The following TBC1D9 variants were observed in gnomAD, a reference collection of about 807,000 sequenced individuals.
TBC1D9 encodes the protein TBC1 domain family member 9.
TBC1D9 carries 63 observed loss-of-function variants against 132.0 expected under a neutral mutation model. That is an observed-to-expected ratio of 0.48 (90% CI 0.39 to 0.59). The LOEUF is 0.59. Among genes scored for constraint, TBC1D9 ranks in the 20% least tolerant of loss-of-function variants. The pLI is 0.00. For synonymous variants in TBC1D9, 610 were observed against 609.9 expected, an observed-to-expected ratio of 1.00 and a Z score of 0.00; for missense variants, 1,261 against 1,592.7, an observed-to-expected ratio of 0.79 and a Z score of 3.54.
intron 6 of TBC1D9, among the ~76,000 whole-genome samples, chr4:140,675,192 G>T (rs1039149189): frequency 1.3e-5 from 2 of 151,846 alleles, no homozygotes; most frequent in Middle Eastern, 3.4e-3. Context: ...GGTCCTCTCT[G>T]AACAGTGGAA....
At chr4:140,728,300 C>G (rs998178581) in intron 1 of TBC1D9, among the ~76,000 whole-genome samples, 1 of 151,630 alleles carries the variant, frequency 6.6e-6, no homozygotes, top group Admixed American at 6.6e-5. Flanking sequence ...CTGCACCAGT[C>G]AGGAATGTTG....
At chr4:140,739,273 C>A (rs141384618) in intron 1 of TBC1D9, among the ~76,000 whole-genome samples, 1 of 152,138 alleles carries the variant, frequency 6.6e-6, no homozygotes. Flanking sequence ...GCTGAGCCAC[C>A]GCACCTGGCT....
intron 16 of TBC1D9, among the ~76,000 whole-genome samples, chr4:140,629,369 T>C (rs888265422): frequency 2.0e-5 from 3 of 152,346 alleles, no homozygotes; most frequent in African/African-American, 7.2e-5. Flanking sequence ...AAAATGTCCA[T>C]AGTCTTTATC....
intron 13 of TBC1D9, chr4:140,645,462 C>A (rs958118864): frequency 4.9e-6 from 2 of 408,038 alleles, no homozygotes; most frequent in Non-Finnish European, 9.7e-6. Flanking sequence ...CAGCTGCGGG[C>A]CCCTGCCCAC....
At chr4:140,672,369 C>T (rs1737551787) in intron 6 of TBC1D9, among the ~76,000 whole-genome samples, 1 of 151,868 alleles carries the variant, frequency 6.6e-6, no homozygotes, top group African/African-American at 2.4e-5. Flanking sequence ...GGAAATACCT[C>T]CTTTTCCTGA....
chr4:140,630,980 G>T lies in TBC1D9; in HGVS notation c.2747-2615C>A, dbSNP rs549027669. 4.6e-5 allele frequency among the ~76,000 whole-genome samples: 7 copies of T among 152,280 alleles called. No individual in the cohort carries two copies. In the South Asian group the frequency reaches 1.5e-3, roughly 32 times the overall value. On this transcript the variant is annotated intron_variant, in intron 16 of 20. Coordinates refer to ENST00000442267, the MANE Select transcript of TBC1D9 (RefSeq NM_015130.3). ...AAAGAGTCCAAATACTGGGTCCAAG[G>T]GTACTAGTGAATGCTCTCTCAGTTG...
intron 1 of TBC1D9, among the ~76,000 whole-genome samples, chr4:140,755,287 G>A (rs1455831102): frequency 6.6e-6 from 1 of 152,198 alleles, no homozygotes; most frequent in Non-Finnish European, 1.5e-5. Context: ...GGGGTTTAGG[G>A]AAGAAGTGAT....
At chr4:140,684,010 C>T (rs568881562) in intron 3 of TBC1D9, among the ~76,000 whole-genome samples, 3 of 152,112 alleles carry the variant, frequency 2.0e-5, no homozygotes, top group Admixed American at 6.5e-5. Context: ...GGAATAATAA[C>T]TAAAAATTAT....
In TBC1D9 at chr4:140,622,802, TC is replaced by T; in HGVS notation, c.3193del (p.Glu1065ArgfsTer86). The T allele has an allele frequency of 6.2e-7, 1 of 1,601,666 alleles. No homozygotes were observed. Among genetic ancestry groups the T allele is most frequent in the Non-Finnish European group, 8.5e-7 (1 of 1,178,296 alleles). The stretch of plus-strand genomic sequence containing the variant: ...CTGGGCCACGAACAACTTGCCGACC[TC>T]CCCAATCTCCAGCAGGAGGCTGGTC... Reference protein sequence around the residue: ...AVTSLLLEIGEVGKLFVAQPA... With the variant: ...AVTSLLLEIGXVGKLFVAQPA... On this transcript the variant is annotated frameshift_variant, in exon 21 of 21. Transcript: ENST00000442267. LOFTEE classifies it high-confidence loss of function.
chr4:140,698,646 G>C lies in TBC1D9; in HGVS notation c.241+2858C>G, dbSNP rs1022949031. The stretch of plus-strand genomic sequence containing the variant: ...CCAGCTACTCAGGAGGCTGAGTCAG[G>C]AGAATCGCTTGAGCCTACGAGGCAG... On this transcript the variant is annotated intron_variant, in intron 2 of 20. Transcript: ENST00000442267. Among the ~76,000 whole-genome samples, 5 of 151,478 alleles carry C rather than the reference G, an allele frequency of 3.3e-5. No homozygotes were observed. The South Asian group carries it at 8.3e-4, about 25-fold the overall frequency.
In TBC1D9 at chr4:140,671,040, A is replaced by G. The variant is rs1043733086; in HGVS notation, c.1060-114T>C. 20 of 864,000 alleles carry G rather than the reference A, an allele frequency of 2.3e-5. No individual in the cohort carries two copies. The Admixed American group carries it at 4.6e-4, about 20-fold the overall frequency. The allele number at this position is 864,000 out of a possible 1,614,324, so 53.5% of individuals were successfully genotyped here. On this transcript the variant is annotated intron_variant, in intron 6 of 20. Transcript: ENST00000442267. ...TTTCATTATTCTATAGGAACCACCT[A>G]TATTTTATTGAAGCAAAACTGAGAC... is the stretch of plus-strand genomic sequence containing the variant.
intron 15 of TBC1D9, among the ~76,000 whole-genome samples, chr4:140,638,874 A>G (rs1287638888): frequency 6.6e-6 from 1 of 152,210 alleles, no homozygotes; most frequent in African/African-American, 2.4e-5. Flanking sequence ...AACAACTAGA[A>G]TATTATATGG....
chr4:140,730,807 G>C (rs111487943), intron 1 of TBC1D9, among the ~76,000 whole-genome samples: 1 of 152,154 alleles, frequency 6.6e-6, no homozygotes, highest in East Asian at 1.9e-4. Context: ...GATGCACAAC[G>C]GTATGGAGCT....
intron 1 of TBC1D9, among the ~76,000 whole-genome samples, chr4:140,753,474 C>A (rs1738956879): frequency 1.3e-5 from 2 of 152,282 alleles, no homozygotes; most frequent in African/African-American, 4.8e-5. Context: ...GAAGTCAGGG[C>A]ATGTACTCCC....
At chr4:140,667,946 A>G (rs1363913289) in intron 9 of TBC1D9, among the ~76,000 whole-genome samples, 2 of 152,190 alleles carry the variant, frequency 1.3e-5, no homozygotes, top group African/African-American at 4.8e-5. Flanking sequence ...AGTCGTAATT[A>G]TTAATTTTAG....
At chr4:140,752,928 A>G (rs1738947950) in intron 1 of TBC1D9, among the ~76,000 whole-genome samples, 1 of 152,110 alleles carries the variant, frequency 6.6e-6, no homozygotes, top group Admixed American at 6.6e-5. Context: ...CTGGGTGTAC[A>G]CATGTACACT....
intron 13 of TBC1D9, among the ~76,000 whole-genome samples, chr4:140,650,945 G>A (rs1239652493): frequency 6.6e-6 from 1 of 152,048 alleles, no homozygotes; most frequent in Admixed American, 6.5e-5. Flanking sequence ...GCCACATGTA[G>A]CAAGTGGGAC....
At chr4:140,636,251 A>G (rs1226645641) in intron 15 of TBC1D9, among the ~76,000 whole-genome samples, 1 of 152,082 alleles carries the variant, frequency 6.6e-6, no homozygotes, top group African/African-American at 2.4e-5. Flanking sequence ...CCTGAACCAC[A>G]TTTTCCATGA....
Position 140,741,674 on chromosome 4 carries a change from T to C in TBC1D9, c.130+14242A>G, listed in dbSNP as rs555756949. Among the ~76,000 whole-genome samples the C allele has an allele frequency of 5.9e-5, 9 of 152,302 alleles. No homozygotes were observed. In the South Asian group the frequency reaches 1.2e-3, roughly 21 times the overall value. ...CAGAGGATGCAGTGAGCAGAGATCA[T>C]GCCAATGCACTCTAGCCTAGGCGGC... On this transcript the variant is annotated intron_variant, in intron 1 of 20. Coordinates refer to ENST00000442267, the MANE Select transcript of TBC1D9 (RefSeq NM_015130.3).
Sources: gnomAD v4.1 joint callset for allele counts (sites outside exome capture counted in the v4.1 genomes callset) on GRCh38, gnomAD v4.1.1 for gene constraint, MANE v1.5 for transcripts, NCBI Gene and HGNC (gene_info 2026-07-23, HGNC 2026-07-21) for gene names.